ARHGEF7: variants seen among roughly 807,000 people sequenced by gnomAD.
ARHGEF7 encodes PAK-interacting exchange factor beta.
ARHGEF7 carries 33 observed loss-of-function variants against 109.8 expected under a neutral mutation model. The ratio of observed to expected loss-of-function variants is 0.30; its 90% CI spans 0.23 to 0.40. The LOEUF is 0.40. Ranked by LOEUF, ARHGEF7 falls within the 10% of genes least tolerant of loss-of-function variation. The probability of loss-of-function intolerance (pLI) is 1.00; values close to 1 mark genes in which losing one functional copy is unlikely to be tolerated. For synonymous variants in ARHGEF7, 458 were observed against 424.6 expected, an observed-to-expected ratio of 1.08 and a Z score of -0.97; for missense variants, 938 against 1,098.5, an observed-to-expected ratio of 0.85 and a Z score of 2.07.
chr13:111,158,635 G>T (rs970600708), intron 2 of ARHGEF7, among the ~76,000 whole-genome samples: 6 of 152,172 alleles, frequency 3.9e-5, no homozygotes, highest in Non-Finnish European at 5.9e-5. Flanking sequence ...TTTTTGGTTG[G>T]CTTTTGGTCT....
intron 1 of ARHGEF7, among the ~76,000 whole-genome samples, chr13:111,136,208 T>C (rs1234164491): frequency 2.6e-5 from 4 of 152,204 alleles, no homozygotes; most frequent in African/African-American, 4.8e-5. Context: ...CAGTATTTTA[T>C]TGAGGATTTT....
At chr13:111,133,785 A>G (rs1339556831) in intron 1 of ARHGEF7, among the ~76,000 whole-genome samples, 13 of 99,950 alleles carry the variant, frequency 1.3e-4, no homozygotes, top group African/African-American at 5.2e-4. Flanking sequence ...ATATATATAT[A>G]TATATATATA....
At position 111,283,180 on chromosome 13, in the gene ARHGEF7, C is replaced by T; in HGVS notation, c.1767C>T (p.Asp589=). The stretch of plus-strand genomic sequence containing the variant: ...TCACTCCGTCCAGCAAGCACGCAGA[C>T]AGCAAGCCCGCGCCGCTGACGCCCG... ...HPVTPSSKHA[D]SKPAPLTPAY... Residue 589 remains aspartate, a synonymous_variant, in exon 16 of 22, where the codon GAC becomes GAT. Coordinates refer to ENST00000646102, the MANE Select transcript of ARHGEF7 (RefSeq NM_001354046.2). 2 of 1,597,084 alleles carry T rather than the reference C, an allele frequency of 1.3e-6. No homozygotes were observed. The highest frequency in any genetic ancestry group is 1.3e-5 in the African/African-American group (1 of 74,896).
intron 1 of ARHGEF7, among the ~76,000 whole-genome samples, chr13:111,122,222 T>C (rs2067244698): frequency 6.6e-6 from 1 of 152,080 alleles, no homozygotes; most frequent in Middle Eastern, 3.2e-3. Context: ...AGCTGCTGGT[T>C]GGGGAGCGGG....
chr13:111,207,555 T>A (rs1476845948), intron 3 of ARHGEF7, among the ~76,000 whole-genome samples: 1 of 152,230 alleles, frequency 6.6e-6, no homozygotes, highest in Non-Finnish European at 1.5e-5. Flanking sequence ...AATCCTTAAT[T>A]TGACTCTGCT....
chr13:111,237,162 A>T (rs1294936336), intron 6 of ARHGEF7, among the ~76,000 whole-genome samples: 1 of 152,194 alleles, frequency 6.6e-6, no homozygotes, highest in African/African-American at 2.4e-5. Context: ...CTTGCCTCAA[A>T]CAGTATAAGC....
intron 2 of ARHGEF7, among the ~76,000 whole-genome samples, chr13:111,169,425 C>T (rs1046025141): frequency 1.5e-4 from 23 of 152,124 alleles, no homozygotes; most frequent in African/African-American, 5.1e-4. Context: ...CTCGTCTTAA[C>T]TGGCCGGAGC....
Position 111,153,911 on chromosome 13 carries a change from C to G in ARHGEF7, c.172C>G (p.Pro58Ala), listed in dbSNP as rs1187595568. 2 of 1,605,146 alleles carry G rather than the reference C, an allele frequency of 1.2e-6. No individual in the cohort carries two copies. Among genetic ancestry groups the G allele is most frequent in the South Asian group, 2.2e-5 (2 of 90,486 alleles). Residue 58 changes from proline (P) to alanine (A), a missense_variant, in exon 2 of 22, where the codon CCC (proline) becomes GCC (alanine). By Grantham distance (27) the Pro-to-Ala change is conservative. Coordinates refer to ENST00000646102, the MANE Select transcript of ARHGEF7 (RefSeq NM_001354046.2). The stretch of plus-strand genomic sequence containing the variant: ...CTTGTGCTCTGTATTGCAGGTCTAC[C>G]CCGAGCCCCGGAGCGAGAGCGAGTG... ...LLPGTIEKVY[P>A]EPRSESECLS...
chr13:111,286,205 G>A lies in ARHGEF7; in HGVS notation c.2009G>A (p.Arg670Gln), dbSNP rs749319662. 1 of 1,614,006 alleles carries A rather than the reference G, an allele frequency of 6.2e-7. No homozygotes were observed. The highest frequency in any genetic ancestry group is 8.5e-7 in the Non-Finnish European group (1 of 1,179,990). The change falls in exon 17 of 22, where the codon CGG (arginine) becomes CAG (glutamine). Residue 670 changes from arginine (R) to glutamine (Q), a missense_variant. Arg to Gln is a conservative substitution (Grantham distance 43). Around this residue, in one of 4 missense-constraint regions of ARHGEF7, gnomAD observed 22 missense variants for 81.9 expected, o/e 0.27. Transcript: ENST00000646102. ...KKLLPKRKPE[R>Q]KPSDEEFASR... is the part of the protein sequence containing the mutation. ...CTGCTGCCCAAGCGCAAACCTGAAC[G>A]GAAGCCTTCAGATGAGGAGTTCGCG...
intron 8 of ARHGEF7, among the ~76,000 whole-genome samples, chr13:111,247,976 AT>A (rs2089181187): frequency 6.6e-6 from 1 of 151,944 alleles, no homozygotes. Flanking sequence ...TTTTCTCAGT[AT>A]TTTTGCCATG....
intron 2 of ARHGEF7, chr13:111,182,040 T>A (rs927227951): frequency 2.0e-5 from 3 of 152,250 alleles, no homozygotes; most frequent in Non-Finnish European, 2.9e-5. Context: ...TGGAATAACT[T>A]GAACCTGATG....
intron 19 of ARHGEF7, among the ~76,000 whole-genome samples, chr13:111,299,209 T>A (rs1366249570): frequency 6.6e-6 from 1 of 152,136 alleles, no homozygotes; most frequent in African/African-American, 2.4e-5. Context: ...CACGCTGCTG[T>A]GGAAATAACA....
intron 8 of ARHGEF7, among the ~76,000 whole-genome samples, chr13:111,261,715 T>C (rs1042600070): frequency 3.3e-5 from 5 of 152,210 alleles, no homozygotes; most frequent in Non-Finnish European, 7.4e-5. Context: ...AAACAAGTCT[T>C]AAAATTTTTT....
At chr13:111,177,295 A>G (rs1016977724) in intron 2 of ARHGEF7, among the ~76,000 whole-genome samples, 2 of 152,352 alleles carry the variant, frequency 1.3e-5, no homozygotes, top group South Asian at 4.1e-4. Flanking sequence ...GCCTGCGTGC[A>G]TATTGAAGAA....
chr13:111,187,293 T>C (rs1326488172), intron 2 of ARHGEF7, among the ~76,000 whole-genome samples: 1 of 152,244 alleles, frequency 6.6e-6, no homozygotes, highest in Non-Finnish European at 1.5e-5. Flanking sequence ...CGTGGTGGGC[T>C]CTGGGTCCAG....
At position 111,133,757 on chromosome 13, in the gene ARHGEF7, TTTTCTTTATA is replaced by T. The variant is rs1286820191; in HGVS notation, c.165+18068_165+18077del. Among the ~76,000 whole-genome samples the T allele has an allele frequency of 3.2e-3, 367 of 115,810 alleles. 8 individuals carry two copies. Among genetic ancestry groups the T allele is most frequent in the Middle Eastern group, 8.3e-3 (2 of 242 alleles). 76.0% of individuals were successfully genotyped at this position (115,810 alleles called of 152,430 possible). A position where few individuals can be genotyped will look rare whatever the true frequency, so the allele number is the denominator to read the frequency against. ...GACTGGGATGGGGCAGAGAATCTGC[TTTTCTTTATA>T]TATATATATATATATATATATATAT... On this transcript the variant is annotated intron_variant, in intron 1 of 21. Coordinates refer to ENST00000646102, the MANE Select transcript of ARHGEF7 (RefSeq NM_001354046.2).
At chr13:111,160,123 G>C (rs1352457653) in intron 2 of ARHGEF7, among the ~76,000 whole-genome samples, 1 of 152,136 alleles carries the variant, frequency 6.6e-6, no homozygotes, top group Non-Finnish European at 1.5e-5. Context: ...TTTTCCCATT[G>C]GGTGTTCTTG....
intron 20 of ARHGEF7, among the ~76,000 whole-genome samples, 194 bp downstream of exon 20, chr13:111,301,041 C>T (rs1000498936): frequency 2.0e-5 from 3 of 151,960 alleles, no homozygotes; most frequent in South Asian, 2.1e-4. Flanking sequence ...CTCCACCTTC[C>T]GGGTTCAAGC....
At chr13:111,199,453 A>T (rs998691231) in intron 2 of ARHGEF7, among the ~76,000 whole-genome samples, 2 of 152,186 alleles carry the variant, frequency 1.3e-5, no homozygotes, top group East Asian at 3.8e-4. Flanking sequence ...AGAGGTTTTC[A>T]TATTTGGGAG....
Sources: allele counts gnomAD v4.1 joint callset (sites outside exome capture counted in the v4.1 genomes callset), GRCh38; gene constraint gnomAD v4.1.1; regional missense constraint gnomAD v4.1.1; transcripts MANE v1.5; gene names NCBI Gene and HGNC (gene_info 2026-07-23, HGNC 2026-07-21).